Variants in OPRK1 observed in about 807,000 individuals in gnomAD.
The protein encoded by OPRK1 is opioid receptor kappa 1.
In OPRK1, 15 loss-of-function variants were observed where a neutral mutation model predicts 24.5. That is an observed-to-expected ratio of 0.61 (90% CI 0.41 to 0.94). The LOEUF (loss-of-function observed/expected upper bound fraction) is 0.94, where lower values mean the gene tolerates loss of function less well. Among genes scored for constraint, OPRK1 ranks in the 40% least tolerant of loss-of-function variants. The pLI, the probability that OPRK1 is intolerant of heterozygous loss-of-function variation, is 0.00. For missense variants in OPRK1, 479 were observed against 507.3 expected, an observed-to-expected ratio of 0.94 and a Z score of 0.54; for synonymous variants, 205 against 198.0, an observed-to-expected ratio of 1.04 and a Z score of -0.30.
chr8:53,246,270 T>A (rs1031148822), intron 2 of OPRK1, among the ~76,000 whole-genome samples: 1 of 152,008 alleles, frequency 6.6e-6, no homozygotes, highest in African/African-American at 2.4e-5. Flanking sequence ...CAAGTGAAAG[T>A]GGCCTAAAAC....
chr8:53,248,044 T>A (rs1156528267), intron 2 of OPRK1, among the ~76,000 whole-genome samples: 1 of 115,598 alleles, frequency 8.7e-6, no homozygotes, highest in Non-Finnish European at 1.8e-5. Context: ...ACACCCACAT[T>A]CACACCCAAC....
chr8:53,241,001 G>T (rs1025278481), intron 2 of OPRK1, among the ~76,000 whole-genome samples: 1 of 152,112 alleles, frequency 6.6e-6, no homozygotes, highest in Non-Finnish European at 1.5e-5. Context: ...GCTTGTGGGT[G>T]GGGGGAATAA....
Position 53,225,927 on chromosome 8 carries a change from T to A in OPRK1, c.*3370A>T, listed in dbSNP as rs200383543. ...TTGGATGTGATTTTCGTATTTATACTGAATCATCCGAACAGCTCTTGGTTA... is the reference window on the plus strand; with the variant it reads ...TTGGATGTGATTTTCGTATTTATACAGAATCATCCGAACAGCTCTTGGTTA... On this transcript the variant is annotated 3_prime_UTR_variant, in exon 4 of 4. Transcript: ENST00000265572. 8.5e-5 allele frequency: 13 copies of A among 152,370 alleles called. No homozygotes were observed. The highest frequency in any genetic ancestry group is 1.3e-4 in the Non-Finnish European group (9 of 68,044). The allele number at this position is 152,370 out of a possible 1,614,324, so 9.4% of individuals were successfully genotyped here.
intron 3 of OPRK1, among the ~76,000 whole-genome samples, chr8:53,234,147 G>A (rs1041642956): frequency 5.3e-5 from 7 of 131,118 alleles, no homozygotes; most frequent in Admixed American, 2.6e-4. Flanking sequence ...TCGCGCCACT[G>A]CACTCTAGCC....
At chr8:53,249,005 A>AT (rs201630915) in intron 2 of OPRK1, among the ~76,000 whole-genome samples, 5 of 151,850 alleles carry the variant, frequency 3.3e-5, no homozygotes, top group Admixed American at 6.6e-5. Context: ...AATCTACAGG[A>AT]TTTTTTTTTC....
chr8:53,243,075 A>G (rs1314225088), intron 2 of OPRK1, among the ~76,000 whole-genome samples: 1 of 152,248 alleles, frequency 6.6e-6, no homozygotes. Flanking sequence ...TCTGTTGAGG[A>G]ATAAATCAAT....
At chr8:53,250,698 C>A in intron 2 of OPRK1, 83 bp downstream of exon 2, 2 of 1,422,782 alleles carry the variant, frequency 1.4e-6, no homozygotes, top group Non-Finnish European at 1.9e-6. Flanking sequence ...GGCTGGCTGC[C>A]CCCACTGCTG....
At chr8:53,237,684 T>C (rs1807026290) in intron 2 of OPRK1, among the ~76,000 whole-genome samples, 1 of 152,222 alleles carries the variant, frequency 6.6e-6, no homozygotes, top group South Asian at 2.1e-4. Flanking sequence ...ACCCAGGGGT[T>C]TGATCCCAAT....
At position 53,234,946 on chromosome 8, in the gene OPRK1, G is replaced by A; in HGVS notation, c.423C>T (p.Asn141=). 1 of 1,614,196 alleles carries A rather than the reference G, an allele frequency of 6.2e-7. No homozygotes were observed. Among genetic ancestry groups the A allele is most frequent in the Non-Finnish European group, 8.5e-7 (1 of 1,180,036 alleles). The change falls in exon 3 of 4, where the codon AAC becomes AAT. Residue 141 remains asparagine, a synonymous_variant. Transcript: ENST00000265572. The part of the protein sequence containing the change: ...CKIVISIDYY[N]MFTSIFTLTM... ...TCAAGGTGAAGATGCTGGTGAACAT[G>A]TTGTAGTAATCAATGGAAATTACTA...
intron 1 of OPRK1, 114 bp from the exon 2 acceptor site, chr8:53,251,199 G>A: frequency 1.7e-6 from 2 of 1,200,864 alleles, no homozygotes; most frequent in Non-Finnish European, 2.2e-6. Context: ...CAAGTCGCCG[G>A]GGGCAGGACA....
In OPRK1 at chr8:53,250,851, T is replaced by C; in HGVS notation, c.187A>G (p.Thr63Ala). 1 of 1,613,410 alleles carries C rather than the reference T, an allele frequency of 6.2e-7. No individual in the cohort carries two copies. Among genetic ancestry groups the C allele is most frequent in the Non-Finnish European group, 8.5e-7 (1 of 1,179,722 alleles). ...HISPAIPVII[T>A]AVYSVVFVVG... Reference sequence around the variant, plus strand: ...ACGAACACTACGGAGTAGACCGCCGTGATGATGACCGGGATGGCCGGGGAG... The same window carrying C: ...ACGAACACTACGGAGTAGACCGCCGCGATGATGACCGGGATGGCCGGGGAG... Residue 63 changes from threonine (T) to alanine (A), a missense_variant, in exon 2 of 4, where the codon ACG becomes GCG. Thr to Ala is a moderately conservative substitution (Grantham distance 58, BLOSUM62 0). Coordinates refer to ENST00000265572, the MANE Select transcript of OPRK1 (RefSeq NM_000912.5).
intron 2 of OPRK1, among the ~76,000 whole-genome samples, chr8:53,247,216 C>A (rs1378543738): frequency 6.6e-6 from 1 of 152,026 alleles, no homozygotes; most frequent in African/African-American, 2.4e-5. Context: ...AAATGTAGAA[C>A]CTCCTGGAAA....
At chr8:53,247,698 T>G (rs1254666190) in intron 2 of OPRK1, among the ~76,000 whole-genome samples, 4 of 151,866 alleles carry the variant, frequency 2.6e-5, no homozygotes, top group African/African-American at 9.7e-5. Context: ...ACCACAGGAT[T>G]AGAATCATGA....
chr8:53,240,525 G>A (rs1247279912), intron 2 of OPRK1, among the ~76,000 whole-genome samples: 1 of 152,138 alleles, frequency 6.6e-6, no homozygotes, highest in African/African-American at 2.4e-5. Context: ...CTCTGCAGCA[G>A]CAGGGAAAAT....
intron 2 of OPRK1, among the ~76,000 whole-genome samples, chr8:53,246,111 A>G (rs573213643): frequency 1.8e-4 from 27 of 152,192 alleles, no homozygotes; most frequent in Non-Finnish European, 2.5e-4. Context: ...TCTGGAGAAT[A>G]TGAGCATTTA....
rs115928636 is a variant in OPRK1, at chr8:53,236,171, C to A, written c.258-1060G>T. 4.7e-3 allele frequency among the ~76,000 whole-genome samples: 713 copies of A among 152,328 alleles called. 6 individuals are homozygous for A. Among genetic ancestry groups the A allele is most frequent in the African/African-American group, 0.017 (687 of 41,568 alleles). The stretch of plus-strand genomic sequence containing the variant: ...CAACTCTGAACATTTCATGATAGAA[C>A]AGAACAGCTCTTGCTCCTCTTGGAG... On this transcript the variant is annotated intron_variant, in intron 2 of 3. Transcript: ENST00000265572.
rs1806733882 is a variant in OPRK1, at chr8:53,227,567, G to T, written c.*1730C>A. 6.6e-6 allele frequency: 1 copy of T among 151,940 alleles called. No individual in the cohort carries two copies. Among genetic ancestry groups the T allele is most frequent in the African/African-American group, 2.4e-5 (1 of 41,354 alleles). The allele number at this position is 151,940 out of a possible 1,614,324, so 9.4% of individuals were successfully genotyped here. A position where few individuals can be genotyped will look rare whatever the true frequency, so the allele number is the denominator to read the frequency against. ...GTTATAAAAATACAAGGGCAGATAGGAATCTCAATAAAACAAGAAATACTC... is the reference window on the plus strand; with the variant it reads ...GTTATAAAAATACAAGGGCAGATAGTAATCTCAATAAAACAAGAAATACTC... On this transcript the variant is annotated 3_prime_UTR_variant, in exon 4 of 4. Coordinates refer to ENST00000265572, the MANE Select transcript of OPRK1 (RefSeq NM_000912.5).
At chr8:53,236,744 A>G (rs552600895) in intron 2 of OPRK1, among the ~76,000 whole-genome samples, 6 of 152,154 alleles carry the variant, frequency 3.9e-5, no homozygotes, top group Non-Finnish European at 8.8e-5. Context: ...TCTTAAAAAT[A>G]TGGTTTTATG....
chr8:53,226,281 G>C lies in OPRK1; in HGVS notation c.*3016C>G, dbSNP rs983112830. ...GACTTAAACTCGAAGGATGCTCTTA[G>C]ATTGGTAACTACTCTGAGATACTAA... On this transcript the variant is annotated 3_prime_UTR_variant, in exon 4 of 4. Coordinates refer to ENST00000265572, the MANE Select transcript of OPRK1 (RefSeq NM_000912.5). 2.6e-5 allele frequency: 4 copies of C among 152,052 alleles called. No homozygotes were observed. Among genetic ancestry groups the C allele is most frequent in the African/African-American group, 9.7e-5 (4 of 41,376 alleles). 9.4% of individuals were successfully genotyped at this position (152,052 alleles called of 1,614,324 possible). A position where few individuals can be genotyped will look rare whatever the true frequency, so the allele number is the denominator to read the frequency against.
Sources: allele counts gnomAD v4.1 joint callset (sites outside exome capture counted in the v4.1 genomes callset), GRCh38; gene constraint gnomAD v4.1.1; transcripts MANE v1.5; gene names NCBI Gene and HGNC (gene_info 2026-07-23, HGNC 2026-07-21).